SPRTN: variants seen among roughly 807,000 people sequenced by gnomAD.
SPRTN encodes SprT-like N-terminal domain, also known as DNA-dependent metalloprotease SPRTN.
In SPRTN, 11 loss-of-function variants were observed where a neutral mutation model predicts 31.9. The observed-to-expected ratio is 0.34, with a 90% CI of 0.22 to 0.57. The LOEUF (loss-of-function observed/expected upper bound fraction) is 0.57, where lower values mean the gene tolerates loss of function less well. SPRTN is among the 20% of genes least tolerant of loss of function. The pLI is 0.86. For missense variants in SPRTN, 482 were observed against 590.1 expected, an observed-to-expected ratio of 0.82 and a Z score of 1.90; for synonymous variants, 185 against 212.1, an observed-to-expected ratio of 0.87 and a Z score of 1.11.
rs576674728 is a variant in SPRTN, at chr1:231,338,507, A to T, written c.124A>T (p.Thr42Ser). The T allele has an allele frequency of 1.3e-4, 206 of 1,614,256 alleles. No homozygotes were observed. The Admixed American group carries it at 1.3e-3, about 10-fold the overall frequency. The change falls in exon 1 of 5, where the codon ACA (threonine) becomes TCA (serine). Residue 42 changes from threonine to serine, a missense_variant. Thr to Ser is a moderately conservative substitution (Grantham distance 58). Coordinates refer to ENST00000295050, the MANE Select transcript of SPRTN (RefSeq NM_032018.7). ...VDASWELVDPTPDLQALFVQF... is the reference protein window; with the variant it reads ...VDASWELVDPSPDLQALFVQF... ...CGCGTCGTGGGAGTTGGTGGACCCC[A>T]CACCGGACTTGCAGGCACTGTTTGT... is the stretch of plus-strand genomic sequence containing the variant.
At chr1:231,338,680 C>A in intron 1 of SPRTN, 76 bp downstream of exon 1, 1 of 1,563,096 alleles carries the variant, frequency 6.4e-7, no homozygotes. Flanking sequence ...GTTTTCTCTC[C>A]TTTCTCTAGT....
Position 231,347,900 on chromosome 1 carries a change from A to T in SPRTN, c.425A>T (p.Asn142Ile). The change falls in exon 3 of 5, where the codon AAC becomes ATC. Residue 142 changes from asparagine to isoleucine, a missense_variant. By Grantham distance (149) the Asn-to-Ile change is moderately radical. Transcript: ENST00000295050. ...PEFCKHMHRI[N>I]SLTGANITVY... ...TTTTGTAAACATATGCATCGCATCA[A>T]CAGCCTGACTGGAGCCAATATAACG... 1 of 1,613,802 alleles carries T rather than the reference A, an allele frequency of 6.2e-7. No homozygotes were observed. Among genetic ancestry groups the T allele is most frequent in the Non-Finnish European group, 8.5e-7 (1 of 1,179,976 alleles).
chr1:231,352,416 T>G (rs777892507), intron 4 of SPRTN, 194 bp from the exon 5 acceptor site: 1 of 1,264,148 alleles, frequency 7.9e-7, no homozygotes, highest in Non-Finnish European at 1.0e-6. Context: ...TTTTTATCCT[T>G]TATATTCTCT....
At chr1:231,346,985 G>A (rs1406238976) in intron 2 of SPRTN, among the ~76,000 whole-genome samples, 2 of 151,958 alleles carry the variant, frequency 1.3e-5, no homozygotes, top group Non-Finnish European at 2.9e-5. Flanking sequence ...TGAATTCATT[G>A]ATTTTTCTGG....
At chr1:231,339,449 T>C in intron 1 of SPRTN, 1 of 563,356 alleles carries the variant, frequency 1.8e-6, no homozygotes, top group South Asian at 1.8e-5. Context: ...GTCCGCATCG[T>C]ATTCCACTAG....
intron 2 of SPRTN, among the ~76,000 whole-genome samples, chr1:231,345,103 T>TTTTTC (rs562926501): frequency 2.2e-4 from 33 of 152,202 alleles, no homozygotes; most frequent in East Asian, 1.4e-3. Flanking sequence ...TGTCTTTTTC[T>TTTTTC]TTTTCTTTTC....
chr1:231,351,190 GA>G (rs2102873481), intron 3 of SPRTN, 113 bp from the exon 4 acceptor site: 1 of 1,172,050 alleles, frequency 8.5e-7, no homozygotes, highest in South Asian at 2.9e-5. Context: ...AAAGCTCTGG[GA>G]AAGTTTCAAA....
chr1:231,340,316 G>A (rs1246496424), intron 2 of SPRTN, among the ~76,000 whole-genome samples: 1 of 152,152 alleles, frequency 6.6e-6, no homozygotes. Flanking sequence ...GCAATGAGCC[G>A]AGATCGCGCC....
At position 231,353,236 on chromosome 1, in the gene SPRTN, A is replaced by G. The variant is rs1273764892; in HGVS notation, c.1345A>G (p.Ser449Gly). The G allele has an allele frequency of 6.2e-7, 1 of 1,614,160 alleles. No homozygotes were observed. Among genetic ancestry groups the G allele is most frequent in the Non-Finnish European group, 8.5e-7 (1 of 1,179,994 alleles). The change falls in exon 5 of 5, where the codon AGT becomes GGT. Residue 449 changes from serine to glycine, a missense_variant. Ser to Gly is a moderately conservative substitution (Grantham distance 56). This residue lies in a region of SPRTN where 325 missense variants were observed against 350.2 expected (regional missense o/e 0.93). Transcript: ENST00000295050. Reference sequence around the variant, plus strand: ...AGCTCAGAATTCCAGCAGTTCATCCAGTCAGAGCAAAATGGTTAATTGCCC... The same window carrying G: ...AGCTCAGAATTCCAGCAGTTCATCCGGTCAGAGCAAAATGGTTAATTGCCC... The part of the protein sequence containing the change: ...TTAQNSSSSS[S>G]QSKMVNCPVC...
intron 3 of SPRTN, among the ~76,000 whole-genome samples, chr1:231,348,585 C>G (rs1411569307): frequency 6.6e-6 from 1 of 152,066 alleles, no homozygotes; most frequent in Non-Finnish European, 1.5e-5. Context: ...TCCTTTTTTA[C>G]TGCCTCCAAC....
intron 4 of SPRTN, chr1:231,352,292 AT>A (rs1274785994): frequency 2.9e-6 from 3 of 1,049,718 alleles, no homozygotes; most frequent in African/African-American, 3.4e-5. Flanking sequence ...GAGGCAGCAG[AT>A]TTTCCCTCCT....
intron 2 of SPRTN, among the ~76,000 whole-genome samples, chr1:231,346,741 A>G (rs1388464780): frequency 6.6e-6 from 1 of 152,086 alleles, no homozygotes; most frequent in Non-Finnish European, 1.5e-5. Flanking sequence ...TCAGGAGTTT[A>G]AGACCATCCT....
intron 2 of SPRTN, among the ~76,000 whole-genome samples, chr1:231,346,925 G>A (rs1422151176): frequency 6.9e-6 from 1 of 145,970 alleles, no homozygotes; most frequent in African/African-American, 2.5e-5. Context: ...CTGGGCAACA[G>A]AGTAAGACCC....
chr1:231,347,838 T>C lies in SPRTN; in HGVS notation c.363T>C (p.Thr121=). The C allele has an allele frequency of 6.2e-7, 1 of 1,613,756 alleles. No homozygotes were observed. Among genetic ancestry groups the C allele is most frequent in the Non-Finnish European group, 8.5e-7 (1 of 1,179,940 alleles). ...HEMIHAYLFV[T]NNDKDREGHG... ...TGATACATGCCTATTTATTTGTCAC[T>C]AATAACGACAAAGACCGAGAAGGGC... Residue 121 remains threonine (T), a synonymous_variant, in exon 3 of 5, where the codon ACT becomes ACC. Coordinates refer to ENST00000295050, the MANE Select transcript of SPRTN (RefSeq NM_032018.7).
intron 2 of SPRTN, among the ~76,000 whole-genome samples, chr1:231,344,323 G>A (rs1389926989): frequency 6.6e-6 from 1 of 152,112 alleles, no homozygotes; most frequent in Non-Finnish European, 1.5e-5. Context: ...GGGTAAGATG[G>A]TGAGACCTTG....
chr1:231,351,205 TAAAAAAAAA>T (rs35814914), intron 3 of SPRTN, 90 bp from the exon 4 acceptor site: 21 of 974,788 alleles, frequency 2.2e-5, no homozygotes, highest in Admixed American at 5.6e-5. Context: ...TTTCAAAAAT[TAAAAAAAAA>T]AAAAAAAAAA....
At position 231,338,393 on chromosome 1, in the gene SPRTN, G is replaced by A. The variant is rs767941243; in HGVS notation, c.10G>A (p.Asp4Asn). The change falls in exon 1 of 5, where the codon GAC becomes AAC. Residue 4 changes from aspartate to asparagine, a missense_variant. Asp to Asn is a conservative substitution (Grantham distance 23). Coordinates refer to ENST00000295050, the MANE Select transcript of SPRTN (RefSeq NM_032018.7). ...TGTGATCCTGGCAACGATGGATGATGACTTGATGTTGGCACTGCGGCTTCA... is the reference window on the plus strand; with the variant it reads ...TGTGATCCTGGCAACGATGGATGATAACTTGATGTTGGCACTGCGGCTTCA... The part of the protein sequence containing the change: MDD[D>N]LMLALRLQEE... The A allele has an allele frequency of 6.8e-6, 11 of 1,614,158 alleles. No individual in the cohort carries two copies. Among genetic ancestry groups the A allele is most frequent in the Non-Finnish European group, 9.3e-6 (11 of 1,179,996 alleles).
At chr1:231,342,641 G>T (rs1406227965) in intron 2 of SPRTN, among the ~76,000 whole-genome samples, 3 of 151,882 alleles carry the variant, frequency 2.0e-5, no homozygotes, top group African/African-American at 7.3e-5. Flanking sequence ...ATGTTGGCTG[G>T]TCTCAAACTC....
chr1:231,339,634 G>A lies in SPRTN; in HGVS notation c.222-135G>A, dbSNP rs888950120. 4.3e-6 allele frequency: 4 copies of A among 925,824 alleles called. No individual in the cohort carries two copies. The African/African-American group carries it at 6.5e-5, about 15-fold the overall frequency. The allele number at this position is 925,824 out of a possible 1,614,324, so 57.4% of individuals were successfully genotyped here. A position where few individuals can be genotyped will look rare whatever the true frequency, so the allele number is the denominator to read the frequency against. ...AACTAATTAATTAGGTGAAATGCAA[G>A]TATCTGCTAACCAAGGGGGGTATAC... On this transcript the variant is annotated intron_variant, in intron 1 of 4. Coordinates refer to ENST00000295050, the MANE Select transcript of SPRTN (RefSeq NM_032018.7).
Sources: gnomAD v4.1 joint callset for allele counts (sites outside exome capture counted in the v4.1 genomes callset) on GRCh38, gnomAD v4.1.1 for gene constraint, gnomAD v4.1.1 regional missense constraint, MANE v1.5 for transcripts, NCBI Gene and HGNC (gene_info 2026-07-23, HGNC 2026-07-21) for gene names.